The following LRRTM4 variants were observed in gnomAD, a reference collection of about 807,000 sequenced individuals.
LRRTM4 encodes the protein leucine rich repeat transmembrane neuronal 4.
A neutral mutation model predicts 47.6 loss-of-function variants in LRRTM4; 25 were observed. The ratio of observed to expected loss-of-function variants is 0.53; its 90% CI spans 0.38 to 0.73. The LOEUF is 0.73. LRRTM4 is among the 30% of genes least tolerant of loss of function. LRRTM4 has a pLI of 0.00. For missense variants in LRRTM4, 638 were observed against 713.4 expected, an observed-to-expected ratio of 0.89 and a Z score of 1.20; for synonymous variants, 311 against 269.5, an observed-to-expected ratio of 1.15 and a Z score of -1.51.
At chr2:77,411,067 A>C (rs1674401986) in intron 3 of LRRTM4, among the ~76,000 whole-genome samples, 1 of 152,206 alleles carries the variant, frequency 6.6e-6, no homozygotes, top group Non-Finnish European at 1.5e-5. Flanking sequence ...ATAATCTGTT[A>C]GCATTATAAA....
chr2:77,102,007 T>C (rs890895323), intron 3 of LRRTM4, among the ~76,000 whole-genome samples: 5 of 152,224 alleles, frequency 3.3e-5, no homozygotes, highest in African/African-American at 1.2e-4. Flanking sequence ...ACTAAGCGGA[T>C]ATTGCAGGAC....
intron 3 of LRRTM4, among the ~76,000 whole-genome samples, chr2:76,909,299 A>G (rs1456670776): frequency 6.6e-6 from 1 of 152,210 alleles, no homozygotes; most frequent in Admixed American, 6.5e-5. Context: ...ATATGTAGAA[A>G]GCTGAAACTG....
At chr2:77,111,020 C>T (rs1433363219) in intron 3 of LRRTM4, among the ~76,000 whole-genome samples, 1 of 152,140 alleles carries the variant, frequency 6.6e-6, no homozygotes, top group Non-Finnish European at 1.5e-5. Context: ...TTAGAAGACA[C>T]AAAATTTAAA....
chr2:77,127,293 G>A lies in LRRTM4; in HGVS notation c.1552-378377C>T, dbSNP rs149121497. On this transcript the variant is annotated intron_variant, in intron 3 of 3. Coordinates refer to ENST00000409884, the MANE Select transcript of LRRTM4 (RefSeq NM_001134745.3). ...CTTTTAAATACTCTGTTACATGGCT[G>A]TCTTGTAATTTTCATATGGCTCCTG... Among the ~76,000 whole-genome samples the A allele has an allele frequency of 8.4e-3, 1,278 of 152,260 alleles. 27 individuals are homozygous for A. Among genetic ancestry groups the A allele is most frequent in the African/African-American group, 0.028 (1,163 of 41,552 alleles).
At chr2:77,373,699 C>T (rs1672730754) in intron 3 of LRRTM4, among the ~76,000 whole-genome samples, 1 of 151,724 alleles carries the variant, frequency 6.6e-6, no homozygotes, top group Non-Finnish European at 1.5e-5. Flanking sequence ...CATCACTTTT[C>T]TAACCCTCCT....
chr2:77,050,662 A>G (rs749799428), intron 3 of LRRTM4, among the ~76,000 whole-genome samples: 2 of 152,186 alleles, frequency 1.3e-5, no homozygotes, highest in Non-Finnish European at 2.9e-5. Flanking sequence ...TGATCTAAAC[A>G]TATATCTTGA....
chr2:76,819,880 C>G (rs1671005402), intron 3 of LRRTM4, among the ~76,000 whole-genome samples: 1 of 151,920 alleles, frequency 6.6e-6, no homozygotes, highest in African/African-American at 2.4e-5. Flanking sequence ...TTTCAGGAAT[C>G]CCAGCCCATC....
Position 76,889,204 on chromosome 2 carries a change from T to C in LRRTM4, c.1552-140288A>G, listed in dbSNP as rs185924304. 2.3e-3 allele frequency among the ~76,000 whole-genome samples: 343 copies of C among 152,112 alleles called. 5 individuals are homozygous for C. Among genetic ancestry groups the C allele is most frequent in the African/African-American group, 7.0e-3 (290 of 41,566 alleles). On this transcript the variant is annotated intron_variant, in intron 3 of 3. Coordinates refer to ENST00000409884, the MANE Select transcript of LRRTM4 (RefSeq NM_001134745.3). ...AATTAATGTAAGGTTAATGGTGTTA[T>C]CTTGATCGCCATTTTACTCATCTGT...
chr2:76,985,233 GT>G (rs35713979), intron 3 of LRRTM4, among the ~76,000 whole-genome samples: 1 of 151,972 alleles, frequency 6.6e-6, no homozygotes, highest in African/African-American at 2.4e-5. Flanking sequence ...TGGTGAAAGA[GT>G]TTGTATTAGA....
chr2:77,436,850 C>G (rs991178216), intron 3 of LRRTM4, among the ~76,000 whole-genome samples: 3 of 151,724 alleles, frequency 2.0e-5, no homozygotes, highest in Admixed American at 6.6e-5. Flanking sequence ...CTCTAAACAA[C>G]AAAAATAACA....
At chr2:76,822,903 TA>T (rs1671093170) in intron 3 of LRRTM4, among the ~76,000 whole-genome samples, 1 of 151,376 alleles carries the variant, frequency 6.6e-6, no homozygotes, top group Non-Finnish European at 1.5e-5. Flanking sequence ...ACTTTACCCA[TA>T]TAAAAGTAAT....
At chr2:77,362,125 G>GA (rs1553434379) in intron 3 of LRRTM4, among the ~76,000 whole-genome samples, 1 of 120,050 alleles carries the variant, frequency 8.3e-6, no homozygotes, top group Middle Eastern at 3.6e-3. Flanking sequence ...GAGAAAGAAA[G>GA]AAAGAAAGAA....
At chr2:77,079,260 A>T (rs968525545) in intron 3 of LRRTM4, among the ~76,000 whole-genome samples, 3 of 152,212 alleles carry the variant, frequency 2.0e-5, no homozygotes, top group African/African-American at 7.2e-5. Context: ...AAGGGTTAGA[A>T]TTTTAAATGC....
intron 3 of LRRTM4, among the ~76,000 whole-genome samples, chr2:76,936,081 A>C (rs1674935721): frequency 6.6e-6 from 1 of 152,176 alleles, no homozygotes; most frequent in African/African-American, 2.4e-5. Context: ...CAGCAATCCC[A>C]TACTGGGTAT....
intron 3 of LRRTM4, among the ~76,000 whole-genome samples, chr2:76,784,098 C>T (rs1674542108): frequency 6.6e-6 from 1 of 151,730 alleles, no homozygotes; most frequent in Admixed American, 6.6e-5. Context: ...AAAACAATCC[C>T]CAAATTCATG....
intron 3 of LRRTM4, among the ~76,000 whole-genome samples, chr2:77,443,452 C>T (rs933512961): frequency 6.6e-6 from 1 of 152,042 alleles, no homozygotes; most frequent in Non-Finnish European, 1.5e-5. Flanking sequence ...TGAAAATACA[C>T]GGATAGGCTG....
chr2:76,828,323 T>C (rs773728763), intron 3 of LRRTM4, among the ~76,000 whole-genome samples: 4 of 151,892 alleles, frequency 2.6e-5, no homozygotes, highest in Non-Finnish European at 4.4e-5. Flanking sequence ...AATTGCATCT[T>C]ATTTGGGCCG....
At chr2:77,114,679 A>G (rs2103942729) in intron 3 of LRRTM4, among the ~76,000 whole-genome samples, 1 of 152,304 alleles carries the variant, frequency 6.6e-6, no homozygotes, top group East Asian at 1.9e-4. Flanking sequence ...AAGAAAGAGT[A>G]CAAAGAGAGA....
intron 3 of LRRTM4, among the ~76,000 whole-genome samples, chr2:77,097,571 G>A (rs1670844622): frequency 7.9e-5 from 12 of 151,920 alleles, no homozygotes; most frequent in Admixed American, 7.9e-4. Flanking sequence ...TATTAGGACA[G>A]TTAAAAATAT....
Sources: allele counts gnomAD v4.1 joint callset (sites outside exome capture counted in the v4.1 genomes callset), GRCh38; gene constraint gnomAD v4.1.1; transcripts MANE v1.5; gene names NCBI Gene and HGNC (gene_info 2026-07-23, HGNC 2026-07-21).